Variants in HTR7 observed in about 807,000 individuals in gnomAD.
HTR7 encodes the protein 5-hydroxytryptamine receptor 7.
In HTR7, 16 loss-of-function variants were observed where a neutral mutation model predicts 34.0. That is an observed-to-expected ratio of 0.47 (90% CI 0.32 to 0.71). The LOEUF (loss-of-function observed/expected upper bound fraction) is 0.71, where lower values mean the gene tolerates loss of function less well. Among genes scored for constraint, HTR7 ranks in the 30% least tolerant of loss-of-function variants. The probability of loss-of-function intolerance (pLI) is 0.04; values close to 1 mark genes in which losing one functional copy is unlikely to be tolerated. For synonymous variants in HTR7, 265 were observed against 260.2 expected (o/e 1.02, Z -0.18); for missense variants, 504 against 625.5 (o/e 0.81, Z 2.07).
intron 1 of HTR7, among the ~76,000 whole-genome samples, chr10:90,773,737 T>A (rs867792155): frequency 4.6e-5 from 7 of 152,204 alleles, no homozygotes; most frequent in African/African-American, 1.7e-4. Context: ...TCACTTAACA[T>A]AATAACCTCG....
At chr10:90,758,585 G>C (rs1308666962) in intron 1 of HTR7, among the ~76,000 whole-genome samples, 1 of 152,044 alleles carries the variant, frequency 6.6e-6, no homozygotes, top group African/African-American at 2.4e-5. Flanking sequence ...AGTAAATAGA[G>C]CTGCAACATG....
chr10:90,766,605 C>A (rs1328540329), intron 1 of HTR7, among the ~76,000 whole-genome samples: 3 of 152,166 alleles, frequency 2.0e-5, no homozygotes, highest in Admixed American at 2.0e-4. Flanking sequence ...TTCCTTTATT[C>A]CATTCTTCCT....
chr10:90,822,897 G>C (rs1564694255), intron 1 of HTR7, among the ~76,000 whole-genome samples: 1 of 152,216 alleles, frequency 6.6e-6, no homozygotes, highest in Admixed American at 6.5e-5. Context: ...GAGGGTGCAA[G>C]CCAGAAGCCA....
At chr10:90,804,048 G>C (rs1011622573) in intron 1 of HTR7, among the ~76,000 whole-genome samples, 1 of 152,176 alleles carries the variant, frequency 6.6e-6, no homozygotes, top group Non-Finnish European at 1.5e-5. Flanking sequence ...GGAGAAAAGA[G>C]AACAAGCAAC....
chr10:90,815,773 T>C (rs1251139640), intron 1 of HTR7, among the ~76,000 whole-genome samples: 1 of 152,162 alleles, frequency 6.6e-6, no homozygotes, highest in Non-Finnish European at 1.5e-5. Context: ...ACCAGTAAGA[T>C]TGCCCAAGCC....
chr10:90,835,192 C>G (rs1846235963), intron 1 of HTR7, among the ~76,000 whole-genome samples: 1 of 152,198 alleles, frequency 6.6e-6, no homozygotes, highest in African/African-American at 2.4e-5. Context: ...AGTGTCTAGT[C>G]TTGCCTCTAG....
At chr10:90,775,639 G>T (rs1428924091) in intron 1 of HTR7, among the ~76,000 whole-genome samples, 2 of 152,166 alleles carry the variant, frequency 1.3e-5, no homozygotes, top group African/African-American at 4.8e-5. Context: ...TTGAGCAGGG[G>T]AAGACTTGGC....
intron 1 of HTR7, among the ~76,000 whole-genome samples, chr10:90,847,632 C>A (rs1846429261): frequency 6.6e-6 from 1 of 152,166 alleles, no homozygotes. Flanking sequence ...GTCATAGTAC[C>A]TGGCGAGGAA....
chr10:90,787,049 G>A (rs990011960), intron 1 of HTR7, among the ~76,000 whole-genome samples: 1 of 152,206 alleles, frequency 6.6e-6, no homozygotes, highest in Non-Finnish European at 1.5e-5. Context: ...GAAAGCTTCT[G>A]AGCTCCTGTT....
At chr10:90,769,896 A>ACAGCAGCAGCAGGCAGTCCAGAG (rs1845079825) in intron 1 of HTR7, among the ~76,000 whole-genome samples, 1 of 152,264 alleles carries the variant, frequency 6.6e-6, no homozygotes, top group Non-Finnish European at 1.5e-5. Flanking sequence ...AACAAAATTG[A>ACAGCAGCAGCAGGCAGTCCAGAG]CAGCAGCAGC....
chr10:90,815,757 A>G (rs1845890227), intron 1 of HTR7, among the ~76,000 whole-genome samples: 1 of 152,216 alleles, frequency 6.6e-6, no homozygotes, highest in Admixed American at 6.5e-5. Flanking sequence ...GACATGCTAA[A>G]TGAGAACCAG....
At chr10:90,814,832 C>G (rs1411729332) in intron 1 of HTR7, among the ~76,000 whole-genome samples, 1 of 152,088 alleles carries the variant, frequency 6.6e-6, no homozygotes, top group African/African-American at 2.4e-5. Context: ...ATTCCCTTTA[C>G]CCTAGATTGG....
rs1011022563 is a variant in HTR7 at position 90,816,122 on chromosome 10, G to A, written c.539+41011C>T. The stretch of plus-strand genomic sequence containing the variant: ...AGAGCTACTTTCTCCCTAGGACTGC[G>A]TCTGAAGCTATGCGAGGAGCTCCTG... On this transcript the variant is annotated intron_variant, in intron 1 of 3. Transcript: ENST00000336152. 2.6e-5 allele frequency among the ~76,000 whole-genome samples: 4 copies of A among 152,188 alleles called. No individual in the cohort carries two copies. In the South Asian group the frequency reaches 6.2e-4, roughly 24 times the overall value.
At chr10:90,744,025 G>T in intron 2 of HTR7, 4 of 460,516 alleles carry the variant, frequency 8.7e-6, no homozygotes, top group South Asian at 7.1e-5. Context: ...AGGAAAGAAA[G>T]AAACTATTAT....
chr10:90,797,816 T>G (rs1306053400), intron 1 of HTR7, among the ~76,000 whole-genome samples: 1 of 152,230 alleles, frequency 6.6e-6, no homozygotes. Context: ...ACTGGATCAT[T>G]TATAAAGAAA....
chr10:90,828,268 CA>C (rs1846111608), intron 1 of HTR7, among the ~76,000 whole-genome samples: 1 of 152,066 alleles, frequency 6.6e-6, no homozygotes, highest in South Asian at 2.1e-4. Context: ...AGTAGAAAGA[CA>C]TCAAGTAATC....
At chr10:90,782,897 T>C (rs962050677) in intron 1 of HTR7, among the ~76,000 whole-genome samples, 1 of 152,218 alleles carries the variant, frequency 6.6e-6, no homozygotes, top group Non-Finnish European at 1.5e-5. Flanking sequence ...ACAGTGAACA[T>C]GGCTATTTTA....
chr10:90,835,249 T>C (rs1036180462), intron 1 of HTR7, among the ~76,000 whole-genome samples: 26 of 152,328 alleles, frequency 1.7e-4, no homozygotes, highest in African/African-American at 6.0e-4. Flanking sequence ...ATGCTGGAGA[T>C]GTTCATATAA....
chr10:90,848,211 C>T (rs1447898198), intron 1 of HTR7, among the ~76,000 whole-genome samples: 8 of 151,728 alleles, frequency 5.3e-5, no homozygotes, highest in East Asian at 1.9e-4. Flanking sequence ...TACAGGCATG[C>T]GCCAGCATAC....
Sources: allele counts gnomAD v4.1 joint callset (sites outside exome capture counted in the v4.1 genomes callset), GRCh38; gene constraint gnomAD v4.1.1; transcripts MANE v1.5; gene names NCBI Gene and HGNC (gene_info 2026-07-23, HGNC 2026-07-21).